Variants in HSPG2 observed in about 807,000 individuals in gnomAD.
HSPG2 encodes the protein heparan sulfate proteoglycan 2.
A neutral mutation model predicts 526.6 loss-of-function variants in HSPG2; 278 were observed. The observed-to-expected ratio is 0.53, with a 90% CI of 0.48 to 0.58. The LOEUF is 0.58. Among genes scored for constraint, HSPG2 ranks in the 20% least tolerant of loss-of-function variants. The probability of loss-of-function intolerance (pLI) is 0.00; values close to 1 mark genes in which losing one functional copy is unlikely to be tolerated. For missense variants in HSPG2, 5,354 were observed against 6,099.5 expected, an observed-to-expected ratio of 0.88 and a Z score of 4.07; for synonymous variants, 2,465 against 2,555.4, an observed-to-expected ratio of 0.96 and a Z score of 1.07.
In HSPG2 at chr1:21,823,650, G is replaced by A. The variant is rs770996473; in HGVS notation, c.12969C>T (p.Asn4323=). Reference sequence around the variant, plus strand: ...CGCTGCCCTTGGCGTTGACTGCCACGTTGGGACCTGGGGACCGGCCGCTGA... The same window carrying A: ...CGCTGCCCTTGGCGTTGACTGCCACATTGGGACCTGGGGACCGGCCGCTGA... ...ELVSGRSPGP[N]VAVNAKGSVY... The change falls in exon 96 of 97, where the codon AAC becomes AAT. Residue 4323 remains asparagine (N), a synonymous_variant. Coordinates refer to ENST00000374695, the MANE Select transcript of HSPG2 (RefSeq NM_005529.7). 21 of 1,613,774 alleles carry A rather than the reference G, an allele frequency of 1.3e-5. No individual in the cohort carries two copies. The Admixed American group carries it at 2.2e-4, about 17-fold the overall frequency.
chr1:21,896,405 C>G, intron 1 of HSPG2, 95 bp from the exon 2 acceptor site: 1 of 1,422,318 alleles, frequency 7.0e-7, no homozygotes, highest in Non-Finnish European at 9.8e-7. Context: ...CAGAATCCCA[C>G]CTTCAGGCCC....
At position 21,887,192 on chromosome 1, in the gene HSPG2, C is replaced by T. The variant is rs369524828; in HGVS notation, c.1078+23G>A. On this transcript the variant is annotated intron_variant, in intron 9 of 96. Coordinates refer to ENST00000374695, the MANE Select transcript of HSPG2 (RefSeq NM_005529.7). The surrounding 1 kb of genome is among the most constrained non-coding windows in gnomAD (Gnocchi z 5.0). ...CGGCCTGGGCAGGGCAAGGGGGCCT[C>T]AGCTGGACCCTCGGATACTCACGGC... is the stretch of plus-strand genomic sequence containing the variant. 6.3e-7 allele frequency: 1 copy of T among 1,593,292 alleles called. No homozygotes were observed. Among genetic ancestry groups the T allele is most frequent in the Non-Finnish European group, 8.5e-7 (1 of 1,171,310 alleles).
chr1:21,908,717 C>A (rs1376725989), intron 1 of HSPG2: 2 of 506,022 alleles, frequency 4.0e-6, no homozygotes, highest in African/African-American at 2.0e-5. Flanking sequence ...TAAACGACCC[C>A]AAAGCTTCCT....
At chr1:21,829,292 T>G in intron 87 of HSPG2, 91 bp downstream of exon 87, 1 of 1,460,382 alleles carries the variant, frequency 6.8e-7, no homozygotes, top group Non-Finnish European at 9.6e-7. Flanking sequence ...GATCCCTGCA[T>G]TTATCCTCCC....
At chr1:21,837,720 T>C (rs1376254520) in intron 74 of HSPG2, among the ~76,000 whole-genome samples, 2 of 152,188 alleles carry the variant, frequency 1.3e-5, no homozygotes, top group African/African-American at 2.4e-5. Context: ...GGCTGATGCA[T>C]ACTGTCCCCA....
At chr1:21,888,831 GAGAGGAGGGCTGGACCCCCAGC>G (rs2152764254) in intron 6 of HSPG2, 1 of 670,416 alleles carries the variant, frequency 1.5e-6, no homozygotes, top group Non-Finnish European at 2.2e-6. Flanking sequence ...TGAAAAGTGA[GAGAGGAGGGCTGGACCCCCAGC>G]AGTCTTTAGA....
intron 19 of HSPG2, 23 bp downstream of exon 19, chr1:21,878,554 C>A (rs1183625825): frequency 6.2e-7 from 1 of 1,613,938 alleles, no homozygotes; most frequent in South Asian, 1.1e-5. Context: ...CCCCTTCCTG[C>A]AGCCCCCAAG....
intron 1 of HSPG2, among the ~76,000 whole-genome samples, chr1:21,933,461 C>A (rs1006426569): frequency 6.6e-6 from 1 of 152,162 alleles, no homozygotes; most frequent in Non-Finnish European, 1.5e-5. Context: ...ACCCGTATTA[C>A]TGTGTCATCA....
chr1:21,871,174 C>T lies in HSPG2; in HGVS notation c.4221+1012G>A, dbSNP rs1050686368. ...GCCCCCCACAACACCATCACACCAT[C>T]GCCACCACCATCATCACCACCTTTC... On this transcript the variant is annotated intron_variant, in intron 33 of 96. Coordinates refer to ENST00000374695, the MANE Select transcript of HSPG2 (RefSeq NM_005529.7). 3.3e-5 allele frequency among the ~76,000 whole-genome samples: 5 copies of T among 152,070 alleles called. No individual in the cohort carries two copies. In the East Asian group the frequency reaches 5.8e-4, roughly 18 times the overall value.
rs190931985 is a variant in HSPG2 at position 21,909,911 on chromosome 1, C to T, written c.64-13601G>A. On this transcript the variant is annotated intron_variant, in intron 1 of 96. Transcript: ENST00000374695. ...GAGGCACCTTCAGTCAGGCACAGAG[C>T]CGTCCCTGGGAGTCCCCCACCCACC... Among the ~76,000 whole-genome samples the T allele has an allele frequency of 3.3e-5, 5 of 152,360 alleles. No individual in the cohort carries two copies. In the East Asian group the frequency reaches 9.6e-4, roughly 29 times the overall value.
At position 21,881,370 on chromosome 1, in the gene HSPG2, CAGA is replaced by C. The variant is rs1641493759; in HGVS notation, c.1784_1786del (p.Phe595del). ...GCCCAGGAACTGTTCAGGCAGAGCC[CAGA>C]AGGAGTCGTGGACGAGGAAGCGGCG... is the stretch of plus-strand genomic sequence containing the variant. On this transcript the variant is annotated inframe_deletion, in exon 14 of 97. Transcript: ENST00000374695. The C allele has an allele frequency of 1.2e-6, 2 of 1,614,198 alleles. No individual in the cohort carries two copies. The highest frequency in any genetic ancestry group is 1.7e-6 in the Non-Finnish European group (2 of 1,180,044).
intron 65 of HSPG2, 91 bp downstream of exon 65, chr1:21,844,057 A>C: frequency 6.5e-7 from 1 of 1,539,200 alleles, no homozygotes; most frequent in Non-Finnish European, 8.9e-7. Flanking sequence ...CACAAGCCCC[A>C]GTTGCTGAGG....
chr1:21,920,115 C>A (rs1477943278), intron 1 of HSPG2, among the ~76,000 whole-genome samples: 2 of 152,194 alleles, frequency 1.3e-5, no homozygotes, highest in Non-Finnish European at 2.9e-5. Context: ...CCATGTTGGC[C>A]AGGCTGGTCT....
intron 33 of HSPG2, chr1:21,869,359 A>G: frequency 1.4e-6 from 1 of 704,042 alleles, no homozygotes; most frequent in Non-Finnish European, 1.7e-6. Flanking sequence ...TTGGAAAGAA[A>G]TAATAGTCCA....
chr1:21,834,831 C>G lies in HSPG2; in HGVS notation c.10568G>C (p.Ser3523Thr). The change falls in exon 77 of 97, where the codon AGC (serine) becomes ACC (threonine). Residue 3523 changes from serine (S) to threonine (T), a missense_variant. By Grantham distance (58) the Ser-to-Thr change is moderately conservative. Transcript: ENST00000374695. ...LGDPKPQVTW[S>T]KVGGHLRPGI... The stretch of plus-strand genomic sequence containing the variant: ...TGGCCGCAGGTGCCCTCCAACTTTG[C>G]TCCATGTCACCTGAGGCTTGGGGTC... 6.2e-7 allele frequency: 1 copy of G among 1,614,236 alleles called. No homozygotes were observed. The highest frequency in any genetic ancestry group is 8.5e-7 in the Non-Finnish European group (1 of 1,180,038).
chr1:21,860,074 G>C lies in HSPG2; in HGVS notation c.5015-72C>G, dbSNP rs559603002. On this transcript the variant is annotated intron_variant, in intron 40 of 96. Coordinates refer to ENST00000374695, the MANE Select transcript of HSPG2 (RefSeq NM_005529.7). ...AATATCTCTGCTCTCCCAAAAGCTG[G>C]GGTACCCCACCCTCAGCCCTGTCCC... 26 of 1,597,832 alleles carry C rather than the reference G, an allele frequency of 1.6e-5. No homozygotes were observed. In the African/African-American group the frequency reaches 2.8e-4, roughly 17 times the overall value.
At position 21,865,036 on chromosome 1, in the gene HSPG2, C is replaced by A. The variant is rs752828508; in HGVS notation, c.4433G>T (p.Arg1478Leu). 1 of 1,571,730 alleles carries A rather than the reference C, an allele frequency of 6.4e-7. No homozygotes were observed. Among genetic ancestry groups the A allele is most frequent in the Non-Finnish European group, 8.6e-7 (1 of 1,161,416 alleles). The change falls in exon 36 of 97, where the codon CGC becomes CTC. Residue 1478 changes from arginine to leucine, a missense_variant. Coordinates refer to ENST00000374695, the MANE Select transcript of HSPG2 (RefSeq NM_005529.7). This position sits in a 1 kb window ranked among gnomAD's most constrained non-coding sequence, Gnocchi z 5.4. ...GGCCAGTGCCATCAGGAGGTGCTCG[C>A]GTGTGGCCGGCTGCCCATCGGGCCG... ...WRRPDGQPAT[R>L]EHLLMALADL... is the part of the protein sequence containing the mutation.
At chr1:21,914,469 T>A (rs959761636) in intron 1 of HSPG2, among the ~76,000 whole-genome samples, 2 of 152,064 alleles carry the variant, frequency 1.3e-5, no homozygotes, top group Non-Finnish European at 2.9e-5. Flanking sequence ...GAGCTAGGTG[T>A]AATTGTCTCT....
Position 21,852,705 on chromosome 1 carries a change from A to G in HSPG2, c.6719T>C (p.Ile2240Thr), listed in dbSNP as rs1444136518. 6.2e-7 allele frequency: 1 copy of G among 1,613,454 alleles called. No individual in the cohort carries two copies. The highest frequency in any genetic ancestry group is 8.5e-7 in the Non-Finnish European group (1 of 1,180,016). The change falls in exon 52 of 97, where the codon ATC (isoleucine) becomes ACC (threonine). Residue 2240 changes from isoleucine (I) to threonine (T), a missense_variant. Physicochemically the swap from Ile to Thr is moderately conservative, Grantham distance 89 (BLOSUM62 -1). Coordinates refer to ENST00000374695, the MANE Select transcript of HSPG2 (RefSeq NM_005529.7). ...SVLVTIEASV[I>T]PGPIPPVRIE... ...TGTCACTGGGAGTCACTCACCAGGG[A>G]TGACAGAGGCTTCGATGGTGACCAG...
Sources: gnomAD v4.1 joint callset for allele counts (sites outside exome capture counted in the v4.1 genomes callset) on GRCh38, gnomAD v4.1.1 for gene constraint, Gnocchi (gnomAD v3.1) non-coding constraint, MANE v1.5 for transcripts, NCBI Gene and HGNC (gene_info 2026-07-23, HGNC 2026-07-21) for gene names.